Variants in TRANK1 observed in about 807,000 individuals in gnomAD.
TRANK1 encodes tetratricopeptide repeat and ankyrin repeat containing 1.
Under a neutral mutation model 266.0 loss-of-function variants are expected in TRANK1, and 198 were observed. The observed-to-expected ratio is 0.74, with a 90% CI of 0.66 to 0.84. The LOEUF is 0.84. Ranked by LOEUF, TRANK1 falls within the 40% of genes least tolerant of loss-of-function variation. The probability of loss-of-function intolerance (pLI) is 0.00; values close to 1 mark genes in which losing one functional copy is unlikely to be tolerated. For missense variants in TRANK1, 3,326 were observed against 3,634.6 expected (o/e 0.92, Z 2.18); for synonymous variants, 1,396 against 1,384.1 (o/e 1.01, Z -0.19).
Position 36,892,076 on chromosome 3 carries a change from G to A in TRANK1, c.775+126C>T, listed in dbSNP as rs919023022. 2.4e-5 allele frequency: 28 copies of A among 1,168,168 alleles called. No homozygotes were observed. In the African/African-American group the frequency reaches 3.7e-4, roughly 16 times the overall value. 72.4% of individuals were successfully genotyped at this position (1,168,168 alleles called of 1,614,324 possible). A position where few individuals can be genotyped will look rare whatever the true frequency, so the allele number is the denominator to read the frequency against. Reference sequence around the variant, plus strand: ...GCTGCTTCATTCATTTGAATAATCAGATCATTTGAATATTCAAATGGTCTG... The same window carrying A: ...GCTGCTTCATTCATTTGAATAATCAAATCATTTGAATATTCAAATGGTCTG... On this transcript the variant is annotated intron_variant, in intron 7 of 23. Coordinates refer to ENST00000645898, the MANE Select transcript of TRANK1 (RefSeq NM_001329998.2).
chr3:36,877,159 G>A (rs1426274353), intron 8 of TRANK1, among the ~76,000 whole-genome samples: 1 of 152,188 alleles, frequency 6.6e-6, no homozygotes, highest in Non-Finnish European at 1.5e-5. Context: ...CCAGTGTTCA[G>A]GCAACATTTC....
intron 1 of TRANK1, among the ~76,000 whole-genome samples, chr3:36,939,176 AT>A (rs2080463841): frequency 6.6e-6 from 1 of 151,878 alleles, no homozygotes; most frequent in Admixed American, 6.6e-5. Context: ...AGCTGTGTGT[AT>A]ACACAGGCAC....
chr3:36,851,296 T>C, intron 15 of TRANK1: 1 of 988,448 alleles, frequency 1.0e-6, no homozygotes, highest in Middle Eastern at 5.2e-4. Context: ...CTCATTTGTC[T>C]TCCTGGAATT....
chr3:36,863,999 T>C (rs1224914483), intron 10 of TRANK1, among the ~76,000 whole-genome samples: 2 of 152,182 alleles, frequency 1.3e-5, no homozygotes, highest in Non-Finnish European at 2.9e-5. Flanking sequence ...TACAATAACT[T>C]TATACTCCAA....
At chr3:36,926,964 C>A (rs1351755892) in intron 1 of TRANK1, among the ~76,000 whole-genome samples, 1 of 152,140 alleles carries the variant, frequency 6.6e-6, no homozygotes, top group African/African-American at 2.4e-5. Context: ...TTTATTTGCA[C>A]CTTGTATTGT....
At chr3:36,921,922 G>T (rs2080219539) in intron 1 of TRANK1, among the ~76,000 whole-genome samples, 1 of 152,144 alleles carries the variant, frequency 6.6e-6, no homozygotes, top group African/African-American at 2.4e-5. Flanking sequence ...TGGGAGGATT[G>T]CTTGAGCTTA....
At chr3:36,875,975 T>C (rs2079382780) in intron 8 of TRANK1, among the ~76,000 whole-genome samples, 1 of 152,244 alleles carries the variant, frequency 6.6e-6, no homozygotes, top group South Asian at 2.1e-4. Context: ...TTTTAAAATA[T>C]CCATGTGTAC....
chr3:36,852,316 C>A lies in TRANK1; in HGVS notation c.4579G>T (p.Asp1527Tyr). ...TCTGGGAAATAGAACTGAAGTAAAT[C>A]CACCACTCCAGATGCCAGATTGAGG... is the stretch of plus-strand genomic sequence containing the variant. ...GILNLASGVVDLLQFYFPESF... is the reference protein window; with the variant it reads ...GILNLASGVVYLLQFYFPESF... The change falls in exon 14 of 24, where the codon GAT becomes TAT. Residue 1527 changes from aspartate (D) to tyrosine (Y), a missense_variant. Transcript: ENST00000645898. 1 of 1,595,104 alleles carries A rather than the reference C, an allele frequency of 6.3e-7. No homozygotes were observed. The highest frequency in any genetic ancestry group is 8.5e-7 in the Non-Finnish European group (1 of 1,173,588).
intron 5 of TRANK1, among the ~76,000 whole-genome samples, chr3:36,894,280 A>T (rs964551713): frequency 6.6e-6 from 1 of 152,216 alleles, no homozygotes; most frequent in Non-Finnish European, 1.5e-5. Flanking sequence ...AAGAGAGGAC[A>T]AGGTTCTTTC....
chr3:36,830,565 C>T (rs2078679101), intron 22 of TRANK1, among the ~76,000 whole-genome samples: 1 of 152,100 alleles, frequency 6.6e-6, no homozygotes, highest in South Asian at 2.1e-4. Context: ...TTCTGACTGC[C>T]AGGAGAGAAA....
At chr3:36,878,664 A>G (rs1419557401) in intron 8 of TRANK1, among the ~76,000 whole-genome samples, 1 of 151,970 alleles carries the variant, frequency 6.6e-6, no homozygotes, top group African/African-American at 2.4e-5. Context: ...ATCAGGTACT[A>G]TACGTATTAC....
intron 1 of TRANK1, among the ~76,000 whole-genome samples, chr3:36,919,767 T>C (rs1435713765): frequency 1.3e-5 from 2 of 152,358 alleles, no homozygotes; most frequent in Middle Eastern, 3.4e-3. Context: ...ATTTGTCAAT[T>C]CTGCGCACTA....
intron 1 of TRANK1, among the ~76,000 whole-genome samples, chr3:36,923,172 G>A (rs1319487357): frequency 6.6e-6 from 1 of 152,106 alleles, no homozygotes; most frequent in Non-Finnish European, 1.5e-5. Context: ...CTCTTCTGCT[G>A]ATTCTGACCG....
intron 9 of TRANK1, among the ~76,000 whole-genome samples, chr3:36,865,782 AG>A (rs1315455057): frequency 6.6e-6 from 1 of 152,086 alleles, no homozygotes; most frequent in Non-Finnish European, 1.5e-5. Context: ...TACAAAAATT[AG>A]CCAGGTGTAA....
chr3:36,854,019 G>A lies in TRANK1; in HGVS notation c.4549+1154C>T, dbSNP rs544735545. ...TTCAAATGGGTGCCTTTTATGCTAT[G>A]TGAACCTCAATGAATGCACTAGAAC... On this transcript the variant is annotated intron_variant, in intron 13 of 23. Coordinates refer to ENST00000645898, the MANE Select transcript of TRANK1 (RefSeq NM_001329998.2). Among the ~76,000 whole-genome samples the A allele has an allele frequency of 2.0e-5, 3 of 152,284 alleles. No individual in the cohort carries two copies. The East Asian group carries it at 5.8e-4, about 29-fold the overall frequency.
intron 20 of TRANK1, among the ~76,000 whole-genome samples, chr3:36,837,684 T>TA (rs959512515): frequency 2.6e-5 from 4 of 152,284 alleles, no homozygotes; most frequent in Non-Finnish European, 2.9e-5. Flanking sequence ...CAAATGGCAA[T>TA]AAAAAAATTC....
In TRANK1 at chr3:36,827,049, G is replaced by A. The variant is rs575455334; in HGVS notation, c.*1226C>T. 1 of 152,204 alleles carries A rather than the reference G, an allele frequency of 6.6e-6. No homozygotes were observed. The highest frequency in any genetic ancestry group is 6.5e-5 in the Admixed American group (1 of 15,302). 9.4% of individuals were successfully genotyped at this position (152,204 alleles called of 1,614,324 possible). A position where few individuals can be genotyped will look rare whatever the true frequency, so the allele number is the denominator to read the frequency against. On this transcript the variant is annotated 3_prime_UTR_variant, in exon 24 of 24. Coordinates refer to ENST00000645898, the MANE Select transcript of TRANK1 (RefSeq NM_001329998.2). ...CAGCAGCAACATGGGGGGAAAGCTG[G>A]CTCTGCTGTGAGGACAGAACAATCA...
At chr3:36,913,918 A>C (rs17035755) in intron 1 of TRANK1, among the ~76,000 whole-genome samples, 6,028 of 152,148 alleles carry the variant, frequency 0.04, 174 homozygotes, top group African/African-American at 0.081. Flanking sequence ...TCGCCCATCA[A>C]CTTTAAGTTA....
intron 1 of TRANK1, among the ~76,000 whole-genome samples, chr3:36,927,189 C>T (rs1449345296): frequency 2.6e-5 from 4 of 152,210 alleles, no homozygotes; most frequent in South Asian, 2.1e-4. Flanking sequence ...ACCTCCTGAC[C>T]GACTAACAAT....
Sources: allele counts gnomAD v4.1 joint callset (sites outside exome capture counted in the v4.1 genomes callset), GRCh38; gene constraint gnomAD v4.1.1; transcripts MANE v1.5; gene names NCBI Gene and HGNC (gene_info 2026-07-23, HGNC 2026-07-21).